The following UNC13C variants were observed in gnomAD, a reference collection of about 807,000 sequenced individuals.
The protein encoded by UNC13C is protein unc-13 homolog C.
Under a neutral mutation model 245.4 loss-of-function variants are expected in UNC13C, and 174 were observed. The ratio of observed to expected loss-of-function variants is 0.71; its 90% CI spans 0.63 to 0.80. The LOEUF (loss-of-function observed/expected upper bound fraction) is 0.80. Ranked by LOEUF, UNC13C falls within the 30% of genes least tolerant of loss-of-function variation. The pLI is 0.00. For missense variants in UNC13C, 2,829 were observed against 2,602.9 expected, an observed-to-expected ratio of 1.09 and a Z score of -1.89; for synonymous variants, 992 against 895.1, an observed-to-expected ratio of 1.11 and a Z score of -1.93.
chr15:54,598,518 C>A (rs888007477), intron 30 of UNC13C, among the ~76,000 whole-genome samples: 4 of 152,170 alleles, frequency 2.6e-5, no homozygotes, highest in Non-Finnish European at 5.9e-5. Flanking sequence ...AGGCACAGCA[C>A]ATAGGATCTG....
intron 30 of UNC13C, among the ~76,000 whole-genome samples, chr15:54,602,990 G>A (rs1029406627): frequency 1.2e-5 from 1 of 83,212 alleles, no homozygotes; most frequent in African/African-American, 5.6e-5. Flanking sequence ...GGATCAGTGG[G>A]GAGATTTCAC....
intron 10 of UNC13C, among the ~76,000 whole-genome samples, chr15:54,285,148 C>A (rs1262876248): frequency 6.6e-6 from 1 of 152,018 alleles, no homozygotes; most frequent in African/African-American, 2.4e-5. Context: ...TAATTCCTTT[C>A]TTGTTCTTAT....
At chr15:54,095,842 T>C (rs1281922320) in intron 2 of UNC13C, among the ~76,000 whole-genome samples, 1 of 152,198 alleles carries the variant, frequency 6.6e-6, no homozygotes, top group African/African-American at 2.4e-5. Context: ...GATTAGTATA[T>C]ATTAGTAGTT....
At chr15:54,375,329 T>C (rs1328239505) in intron 17 of UNC13C, among the ~76,000 whole-genome samples, 1 of 152,232 alleles carries the variant, frequency 6.6e-6, no homozygotes, top group East Asian at 1.9e-4. Flanking sequence ...GAATGCAGTG[T>C]TGAAATAAAT....
At chr15:54,456,884 T>C (rs1358937098) in intron 19 of UNC13C, among the ~76,000 whole-genome samples, 1 of 152,142 alleles carries the variant, frequency 6.6e-6, no homozygotes. Context: ...TTCTCTTGTC[T>C]GTCTGCTCTG....
chr15:54,320,326 A>C (rs1183435218), intron 13 of UNC13C, among the ~76,000 whole-genome samples: 1 of 151,990 alleles, frequency 6.6e-6, no homozygotes, highest in Non-Finnish European at 1.5e-5. Flanking sequence ...TGGAAATTGT[A>C]CTTTTGGTGC....
rs118122476 is a variant in UNC13C at position 54,363,089 on chromosome 15, G to T, written c.4713+24600G>T. On this transcript the variant is annotated intron_variant, in intron 17 of 32. Coordinates refer to ENST00000260323, the MANE Select transcript of UNC13C (RefSeq NM_001080534.3). ...AGCAACCATAACCAATCACAGTGCT[G>T]AGCTAATCACAAGGTTTGTTTTGTT... Among the ~76,000 whole-genome samples, 18 of 152,286 alleles carry T rather than the reference G, an allele frequency of 1.2e-4. No homozygotes were observed. In the East Asian group the frequency reaches 3.1e-3, roughly 26 times the overall value.
the UNC13C span, among the ~76,000 whole-genome samples, chr15:53,931,730 A>C: frequency 3.3e-5 from 5 of 152,140 alleles, no homozygotes; most frequent in Non-Finnish European, 4.4e-5. Context: ...TCTTCTCTTA[A>C]AAAGGGGTGA....
chr15:54,124,112 T>C (rs577275140), intron 2 of UNC13C, among the ~76,000 whole-genome samples: 1 of 152,338 alleles, frequency 6.6e-6, no homozygotes, highest in Admixed American at 6.5e-5. Context: ...AATGAAAATT[T>C]TGGATATTTC....
At chr15:54,327,125 G>A (rs184153436) in intron 14 of UNC13C, among the ~76,000 whole-genome samples, 1 of 151,982 alleles carries the variant, frequency 6.6e-6, no homozygotes, top group Non-Finnish European at 1.5e-5. Context: ...GTGGGAGGCA[G>A]TCAATATTTT....
intron 2 of UNC13C, chr15:54,050,601 G>T: frequency 2.3e-6 from 1 of 426,342 alleles, no homozygotes; most frequent in Non-Finnish European, 4.6e-6. Flanking sequence ...TTCTAACTTG[G>T]AAATCAAATT....
chr15:53,991,751 AC>A (rs1476293816), intron 1 of UNC13C, among the ~76,000 whole-genome samples: 3 of 152,062 alleles, frequency 2.0e-5, no homozygotes, highest in Non-Finnish European at 4.4e-5. Flanking sequence ...AATTGCATCC[AC>A]ATTGTTTCTG....
intron 18 of UNC13C, among the ~76,000 whole-genome samples, chr15:54,401,433 T>G (rs919378531): frequency 6.6e-6 from 1 of 152,122 alleles, no homozygotes. Flanking sequence ...CGCAGCCTTA[T>G]GAGAAAAATT....
chr15:53,932,959 A>C, the UNC13C span, among the ~76,000 whole-genome samples: 3 of 152,336 alleles, frequency 2.0e-5, no homozygotes, highest in South Asian at 4.1e-4. Flanking sequence ...AGCTCCAGCC[A>C]TTCTGGTTGG....
At chr15:54,480,806 A>G (rs1893062946) in intron 19 of UNC13C, among the ~76,000 whole-genome samples, 1 of 152,078 alleles carries the variant, frequency 6.6e-6, no homozygotes, top group Admixed American at 6.5e-5. Context: ...TCTTGCATTT[A>G]CTATCTGCAC....
At chr15:54,146,537 A>T (rs1479762051) in intron 4 of UNC13C, among the ~76,000 whole-genome samples, 1 of 152,194 alleles carries the variant, frequency 6.6e-6, no homozygotes, top group Admixed American at 6.5e-5. Context: ...TGTTTTTCCT[A>T]TCTGTCACAA....
At chr15:54,036,913 G>A (rs1441126244) in intron 2 of UNC13C, among the ~76,000 whole-genome samples, 1 of 152,224 alleles carries the variant, frequency 6.6e-6, no homozygotes, top group Non-Finnish European at 1.5e-5. Flanking sequence ...AGCAGGGAGA[G>A]TCATTAAATG....
At chr15:54,626,708 C>CTAT in intron 32 of UNC13C, 120 bp from the exon 33 acceptor site, 1 of 900,830 alleles carries the variant, frequency 1.1e-6, no homozygotes, top group Non-Finnish European at 1.7e-6. Context: ...CACTGATATC[C>CTAT]TATTTGCCAA....
intron 2 of UNC13C, among the ~76,000 whole-genome samples, chr15:54,029,382 G>T (rs1595737364): frequency 6.6e-6 from 1 of 152,160 alleles, no homozygotes; most frequent in African/African-American, 2.4e-5. Flanking sequence ...CAAACACGTG[G>T]TTTCCTTCCT....
Sources: gnomAD v4.1 joint callset for allele counts (sites outside exome capture counted in the v4.1 genomes callset) on GRCh38, gnomAD v4.1.1 for gene constraint, MANE v1.5 for transcripts, NCBI Gene and HGNC (gene_info 2026-07-23, HGNC 2026-07-21) for gene names.